The following FAF1 variants were observed in gnomAD, a reference collection of about 807,000 sequenced individuals.
The protein encoded by FAF1 is Fas associated factor 1.
FAF1 carries 25 observed loss-of-function variants against 92.5 expected under a neutral mutation model. The observed-to-expected ratio is 0.27, with a 90% CI of 0.20 to 0.38. The LOEUF is 0.38. Among genes scored for constraint, FAF1 ranks in the 10% least tolerant of loss-of-function variants. The pLI, the probability that FAF1 is intolerant of heterozygous loss-of-function variation, is 1.00. For synonymous variants in FAF1, 234 were observed against 273.2 expected, an observed-to-expected ratio of 0.86 and a Z score of 1.42; for missense variants, 636 against 793.3, an observed-to-expected ratio of 0.80 and a Z score of 2.38.
intron 6 of FAF1, among the ~76,000 whole-genome samples, chr1:50,725,058 C>T (rs1205543521): frequency 6.6e-6 from 1 of 152,184 alleles, no homozygotes; most frequent in Non-Finnish European, 1.5e-5. Context: ...GTAAAAGACA[C>T]CATTTAGGAC....
chr1:50,676,464 T>C (rs934140921), intron 7 of FAF1, among the ~76,000 whole-genome samples: 1 of 148,086 alleles, frequency 6.8e-6, no homozygotes, highest in African/African-American at 2.5e-5. Context: ...CTTATTTCAG[T>C]AAAAAAAAAG....
At chr1:50,537,257 A>C (rs1323240276) in intron 14 of FAF1, among the ~76,000 whole-genome samples, 2 of 152,186 alleles carry the variant, frequency 1.3e-5, no homozygotes, top group Non-Finnish European at 1.5e-5. Context: ...CTGACCACTA[A>C]TTTTTAGGCT....
Position 50,803,192 on chromosome 1 carries a change from T to C in FAF1, c.115-1515A>G, listed in dbSNP as rs75392349. 9.8e-3 allele frequency among the ~76,000 whole-genome samples: 1,491 copies of C among 152,278 alleles called. 23 individuals are homozygous for C. The highest frequency in any genetic ancestry group is 0.034 in the African/African-American group (1,413 of 41,566). On this transcript the variant is annotated intron_variant, in intron 2 of 18. Coordinates refer to ENST00000396153, the MANE Select transcript of FAF1 (RefSeq NM_007051.3). ...CTTTTGGTCAACAGCATTGGTTCCA[T>C]GTACATGTATCTCCTTTACTAAGTA...
intron 1 of FAF1, among the ~76,000 whole-genome samples, chr1:50,863,552 A>G (rs1289303613): frequency 6.6e-6 from 1 of 152,030 alleles, no homozygotes; most frequent in Non-Finnish European, 1.5e-5. Flanking sequence ...AAACAAAACT[A>G]CAAAAGATAA....
chr1:50,477,570 A>AT (rs1343144806), intron 17 of FAF1, among the ~76,000 whole-genome samples: 1 of 152,206 alleles, frequency 6.6e-6, no homozygotes, highest in African/African-American at 2.4e-5. Context: ...TGCGACAGCA[A>AT]TGAGTTTCAG....
At chr1:50,634,162 C>T (rs563195902) in intron 8 of FAF1, among the ~76,000 whole-genome samples, 1 of 152,208 alleles carries the variant, frequency 6.6e-6, no homozygotes, top group East Asian at 1.9e-4. Context: ...TGTTCATTTT[C>T]AGCCTTCCTT....
At chr1:50,722,854 C>T (rs1194951826) in intron 6 of FAF1, among the ~76,000 whole-genome samples, 1 of 152,102 alleles carries the variant, frequency 6.6e-6, no homozygotes, top group East Asian at 1.9e-4. Flanking sequence ...GAAGCTAAGG[C>T]GTAAATCGAC....
At chr1:50,718,964 A>T (rs1336148969) in intron 6 of FAF1, among the ~76,000 whole-genome samples, 1 of 152,252 alleles carries the variant, frequency 6.6e-6, no homozygotes, top group Non-Finnish European at 1.5e-5. Flanking sequence ...GGTTATTTAC[A>T]CTAAAACAAA....
At chr1:50,822,538 G>C (rs1261249664) in intron 2 of FAF1, among the ~76,000 whole-genome samples, 2 of 152,104 alleles carry the variant, frequency 1.3e-5, no homozygotes, top group African/African-American at 4.8e-5. Context: ...CCCACTCTGG[G>C]TAACACAGTG....
chr1:50,724,028 C>T (rs975213829), intron 6 of FAF1, among the ~76,000 whole-genome samples: 2 of 151,824 alleles, frequency 1.3e-5, no homozygotes, highest in Non-Finnish European at 2.9e-5. Flanking sequence ...GGATTATAGG[C>T]GTGAGCCACC....
At chr1:50,752,110 C>T (rs1232370410) in intron 4 of FAF1, among the ~76,000 whole-genome samples, 2 of 152,150 alleles carry the variant, frequency 1.3e-5, no homozygotes, top group Non-Finnish European at 2.9e-5. Flanking sequence ...GTTGGGACTA[C>T]AGGCGCGTGC....
intron 8 of FAF1, among the ~76,000 whole-genome samples, chr1:50,640,602 GT>G (rs1318042538): frequency 6.6e-6 from 1 of 151,958 alleles, no homozygotes; most frequent in Non-Finnish European, 1.5e-5. Context: ...GGCTTTTCTA[GT>G]TTTCTATTTC....
intron 7 of FAF1, among the ~76,000 whole-genome samples, chr1:50,696,859 G>GTAAA (rs1657256852): frequency 6.6e-6 from 1 of 152,138 alleles, no homozygotes; most frequent in Non-Finnish European, 1.5e-5. Context: ...GTAAGTAGAT[G>GTAAA]TAAAGCTTGG....
chr1:50,631,140 T>C lies in FAF1; in HGVS notation c.744+24302A>G, dbSNP rs1653768657. ...TCTGCCACACTGCAGTTATCTCTAC[T>C]GTCTAAACGCATTTTTTTCCTAGCT... On this transcript the variant is annotated intron_variant, in intron 8 of 18. Transcript: ENST00000396153. Among the ~76,000 whole-genome samples, 10 of 152,272 alleles carry C rather than the reference T, an allele frequency of 6.6e-5. No individual in the cohort carries two copies. The South Asian group carries it at 2.1e-3, about 32-fold the overall frequency.
chr1:50,548,512 T>C (rs1385822642), intron 13 of FAF1, among the ~76,000 whole-genome samples: 1 of 152,226 alleles, frequency 6.6e-6, no homozygotes, highest in Non-Finnish European at 1.5e-5. Context: ...ACAATCTTCC[T>C]TTTTCTCTTC....
chr1:50,707,732 A>G (rs1657745168), intron 6 of FAF1, among the ~76,000 whole-genome samples: 1 of 152,076 alleles, frequency 6.6e-6, no homozygotes, highest in Admixed American at 6.6e-5. Context: ...AAAGAAAAAA[A>G]GGAAAAGAAA....
At chr1:50,557,956 A>G (rs975624477) in intron 13 of FAF1, among the ~76,000 whole-genome samples, 2 of 151,874 alleles carry the variant, frequency 1.3e-5, no homozygotes, top group African/African-American at 4.8e-5. Flanking sequence ...TCTGTTGCCC[A>G]GGCTGGAGTG....
intron 2 of FAF1, among the ~76,000 whole-genome samples, chr1:50,812,043 C>A (rs188082129): frequency 6.6e-4 from 100 of 152,260 alleles, no homozygotes; most frequent in Admixed American, 1.0e-3. Context: ...CCCTTCCATA[C>A]AGCATATACA....
intron 4 of FAF1, among the ~76,000 whole-genome samples, chr1:50,764,686 C>T (rs1293523662): frequency 6.6e-6 from 1 of 152,218 alleles, no homozygotes; most frequent in East Asian, 1.9e-4. Context: ...CATATATTTT[C>T]TCCAGCTTTC....
Sources: allele counts gnomAD v4.1 joint callset (sites outside exome capture counted in the v4.1 genomes callset), GRCh38; gene constraint gnomAD v4.1.1; transcripts MANE v1.5; gene names NCBI Gene and HGNC (gene_info 2026-07-23, HGNC 2026-07-21).